PON3: variants seen among roughly 807,000 people sequenced by gnomAD.
PON3 encodes the protein serum paraoxonase/lactonase 3.
PON3 carries 37 observed loss-of-function variants against 36.3 expected under a neutral mutation model. The ratio of observed to expected loss-of-function variants is 1.02; its 90% confidence interval spans 0.78 to 1.34. The LOEUF is 1.34. PON3 is among the 40% of genes most tolerant of loss of function. The probability of loss-of-function intolerance (pLI) is 0.00; values close to 1 mark genes in which losing one functional copy is unlikely to be tolerated. For synonymous variants in PON3, 155 were observed against 154.8 expected (o/e 1.00, Z -0.01); for missense variants, 415 against 426.5 (o/e 0.97, Z 0.24).
intron 3 of PON3, among the ~76,000 whole-genome samples, chr7:95,384,651 TA>T (rs760177859): frequency 3.3e-5 from 5 of 152,132 alleles, no homozygotes; most frequent in Non-Finnish European, 7.4e-5. Flanking sequence ...CACAGTGGGA[TA>T]CCATCTCACA....
At chr7:95,373,041 C>T (rs1426428785) in intron 3 of PON3, among the ~76,000 whole-genome samples, 1 of 152,090 alleles carries the variant, frequency 6.6e-6, no homozygotes, top group Non-Finnish European at 1.5e-5. Flanking sequence ...ATGCATGAAG[C>T]CTTTGCTGCA....
chr7:95,379,256 A>G (rs1020568333), intron 3 of PON3, among the ~76,000 whole-genome samples: 1 of 152,238 alleles, frequency 6.6e-6, no homozygotes, highest in Non-Finnish European at 1.5e-5. Context: ...AACAGCCCCA[A>G]TCTACAGCAC....
chr7:95,394,060 C>T (rs1048288257), intron 2 of PON3, among the ~76,000 whole-genome samples: 45 of 151,994 alleles, frequency 3.0e-4, no homozygotes, highest in Middle Eastern at 3.2e-3. Context: ...CCAACATGCC[C>T]GGCTAATTGT....
In PON3 at chr7:95,387,559, C is replaced by T. The variant is rs188155282; in HGVS notation, c.201+2595G>A. ...AACATGAAAATGGCCATACTGCCCA[C>T]GGTAATTTATAGATTCAGTGTCATC... On this transcript the variant is annotated intron_variant, in intron 3 of 8. Coordinates refer to ENST00000265627, the MANE Select transcript of PON3 (RefSeq NM_000940.3). 1.6e-3 allele frequency among the ~76,000 whole-genome samples: 245 copies of T among 152,080 alleles called. 1 individual carries two copies. The highest frequency in any genetic ancestry group is 6.8e-3 in the Middle Eastern group (2 of 294).
intron 3 of PON3, 101 bp downstream of exon 3, chr7:95,390,053 T>C (rs1262630160): frequency 8.1e-7 from 1 of 1,233,038 alleles, no homozygotes; most frequent in Non-Finnish European, 1.2e-6. Flanking sequence ...GGAGGTGGGA[T>C]GAGAGCATAG....
At chr7:95,376,834 C>G (rs188166052) in intron 3 of PON3, among the ~76,000 whole-genome samples, 1 of 152,208 alleles carries the variant, frequency 6.6e-6, no homozygotes, top group Non-Finnish European at 1.5e-5. Context: ...GAGATCAACA[C>G]AGAAGACAGG....
intron 3 of PON3, among the ~76,000 whole-genome samples, chr7:95,377,904 G>A (rs569035621): frequency 3.9e-5 from 6 of 152,314 alleles, no homozygotes; most frequent in Admixed American, 3.9e-4. Context: ...GATGAAGAAT[G>A]AGTTTGACAA....
At chr7:95,383,387 C>A (rs1341731108) in intron 3 of PON3, among the ~76,000 whole-genome samples, 1 of 152,142 alleles carries the variant, frequency 6.6e-6, no homozygotes, top group Non-Finnish European at 1.5e-5. Flanking sequence ...AAAGGATATT[C>A]AATTAGGAAA....
At chr7:95,362,543 C>T (rs1808596084) in intron 7 of PON3, 53 bp from the exon 8 acceptor site, 3 of 1,610,888 alleles carry the variant, frequency 1.9e-6, no homozygotes, top group Non-Finnish European at 8.5e-7. Flanking sequence ...TCCTCGCTTT[C>T]TTCCCTATTC....
chr7:95,362,211 T>A (rs969288640), intron 8 of PON3, 151 bp downstream of exon 8: 1 of 935,132 alleles, frequency 1.1e-6, no homozygotes, highest in African/African-American at 1.6e-5. Context: ...GAACCTTATC[T>A]CCCTACCTGT....
intron 3 of PON3, among the ~76,000 whole-genome samples, chr7:95,386,872 C>G (rs1411929072): frequency 6.6e-6 from 1 of 152,216 alleles, no homozygotes; most frequent in South Asian, 2.1e-4. Flanking sequence ...TAAACAGAAC[C>G]AATGACAAAA....
chr7:95,367,889 A>G (rs1808733423), intron 4 of PON3, among the ~76,000 whole-genome samples: 1 of 152,330 alleles, frequency 6.6e-6, no homozygotes, highest in Non-Finnish European at 1.5e-5. Context: ...TTGTGTGTGT[A>G]CAATAATTAT....
At chr7:95,362,186 C>A (rs558105768) in intron 8 of PON3, among the ~76,000 whole-genome samples, 176 bp downstream of exon 8, 84 of 152,252 alleles carry the variant, frequency 5.5e-4, no homozygotes, top group Non-Finnish European at 9.7e-4. Flanking sequence ...TTAATGGTGG[C>A]CTAAAAGAGT....
intron 5 of PON3, among the ~76,000 whole-genome samples, chr7:95,366,438 A>G (rs1382992485): frequency 6.6e-6 from 1 of 152,100 alleles, no homozygotes; most frequent in Non-Finnish European, 1.5e-5. Flanking sequence ...CGTTTCCCCC[A>G]TATTCTGTGG....
intron 4 of PON3, among the ~76,000 whole-genome samples, chr7:95,371,958 G>C (rs1808816360): frequency 6.6e-6 from 1 of 152,084 alleles, no homozygotes; most frequent in Non-Finnish European, 1.5e-5. Context: ...GTGGATAGAA[G>C]GAAGAGGAGG....
intron 4 of PON3, among the ~76,000 whole-genome samples, chr7:95,370,512 GA>G (rs1345592082): frequency 6.6e-6 from 1 of 152,128 alleles, no homozygotes; most frequent in Non-Finnish European, 1.5e-5. Flanking sequence ...ATAAACCAAT[GA>G]AAAATTGTTA....
Position 95,363,866 on chromosome 7 carries a change from T to C in PON3, c.692A>G (p.Gln231Arg), listed in dbSNP as rs1808632586. 5.0e-6 allele frequency: 8 copies of C among 1,612,790 alleles called. No homozygotes were observed. Among genetic ancestry groups the C allele is most frequent in the South Asian group, 1.1e-5 (1 of 91,056 alleles). ...SANGITVSAD[Q>R]KYVYVADVAA... ...AAAAATACACAAAAGAGCTTACTTC[T>C]GGTCTGCTGAGACTGTGATCCCATT... Residue 231 changes from glutamine (Q) to arginine (R), a missense_variant, in exon 6 of 9, where the codon CAG (glutamine) becomes CGG (arginine). Gln to Arg is a conservative substitution (Grantham distance 43). Transcript: ENST00000265627.
intron 3 of PON3, chr7:95,377,559 A>T: frequency 2.3e-6 from 1 of 428,626 alleles, no homozygotes; most frequent in Non-Finnish European, 4.7e-6. Context: ...CCCCTCTGGG[A>T]TGAAGCTTCC....
intron 1 of PON3, among the ~76,000 whole-genome samples, chr7:95,394,915 C>A (rs1401150621): frequency 6.6e-6 from 1 of 152,120 alleles, no homozygotes; most frequent in East Asian, 1.9e-4. Context: ...TATCAGCTAA[C>A]CTTACCCAGT....
Sources: allele counts gnomAD v4.1 joint callset (sites outside exome capture counted in the v4.1 genomes callset), GRCh38; gene constraint gnomAD v4.1.1; transcripts MANE v1.5; gene names NCBI Gene and HGNC (gene_info 2026-07-23, HGNC 2026-07-21).